RIT2: variants seen among roughly 807,000 people sequenced by gnomAD.
The protein encoded by RIT2 is GTP-binding protein Rit2.
In RIT2, 24 loss-of-function variants were observed where a neutral mutation model predicts 23.7. The ratio of observed to expected loss-of-function variants is 1.01; its 90% CI spans 0.73 to 1.43. The LOEUF is 1.43. Ranked by LOEUF, RIT2 falls within the 40% of genes most tolerant of loss-of-function variation. The probability of loss-of-function intolerance (pLI) is 0.00; values close to 1 mark genes in which losing one functional copy is unlikely to be tolerated. For missense variants in RIT2, 236 were observed against 266.9 expected (o/e 0.88, Z 0.81); for synonymous variants, 107 against 91.1 (o/e 1.17, Z -0.99).
At chr18:43,094,360 A>G (rs2144364709) in intron 1 of RIT2, among the ~76,000 whole-genome samples, 1 of 151,962 alleles carries the variant, frequency 6.6e-6, no homozygotes, top group East Asian at 1.9e-4. Flanking sequence ...TCTTGCTTTT[A>G]ATCATCTCAT....
intron 1 of RIT2, among the ~76,000 whole-genome samples, chr18:43,074,200 T>A (rs1912961203): frequency 6.6e-6 from 1 of 152,138 alleles, no homozygotes; most frequent in Non-Finnish European, 1.5e-5. Context: ...TAAATTAAAC[T>A]CACTTAATAT....
At chr18:42,771,380 C>T (rs1379688066) in intron 4 of RIT2, among the ~76,000 whole-genome samples, 1 of 151,980 alleles carries the variant, frequency 6.6e-6, no homozygotes, top group Non-Finnish European at 1.5e-5. Flanking sequence ...AAATTAAGCT[C>T]TTTGAGGGAA....
chr18:42,811,373 A>T (rs2143976891), intron 4 of RIT2, among the ~76,000 whole-genome samples: 1 of 152,166 alleles, frequency 6.6e-6, no homozygotes, highest in South Asian at 2.1e-4. Flanking sequence ...GGATATGTAA[A>T]GTAGGGCCAC....
At chr18:42,828,915 A>T (rs1445938189) in intron 4 of RIT2, among the ~76,000 whole-genome samples, 1 of 152,178 alleles carries the variant, frequency 6.6e-6, no homozygotes, top group Admixed American at 6.5e-5. Flanking sequence ...AATAAATCTT[A>T]AAAATTAAGA....
chr18:42,933,137 C>A (rs1909367995), intron 3 of RIT2, among the ~76,000 whole-genome samples: 1 of 151,838 alleles, frequency 6.6e-6, no homozygotes, highest in Non-Finnish European at 1.5e-5. Context: ...CAAATAAATG[C>A]CATTTAGAAA....
chr18:43,107,301 C>A (rs762999856), intron 1 of RIT2, among the ~76,000 whole-genome samples: 11 of 152,106 alleles, frequency 7.2e-5, no homozygotes, highest in Non-Finnish European at 1.5e-4. Flanking sequence ...ACCTCCCATG[C>A]ATCTCTATCA....
At chr18:42,775,240 T>C (rs1480463783) in intron 4 of RIT2, among the ~76,000 whole-genome samples, 2 of 152,178 alleles carry the variant, frequency 1.3e-5, no homozygotes, top group Non-Finnish European at 2.9e-5. Flanking sequence ...CTAATCACTA[T>C]GCTAGAGAGA....
chr18:43,050,189 G>A (rs568265548), intron 1 of RIT2, among the ~76,000 whole-genome samples: 52 of 151,432 alleles, frequency 3.4e-4, no homozygotes, highest in African/African-American at 1.3e-3. Flanking sequence ...ACCAGGACAG[G>A]CTAATTTTTA....
intron 4 of RIT2, among the ~76,000 whole-genome samples, chr18:42,759,947 T>G (rs919393748): frequency 6.6e-6 from 1 of 152,032 alleles, no homozygotes. Context: ...ATAGCAAATT[T>G]TGTATTTTTA....
At chr18:42,760,628 T>C (rs1913278250) in intron 4 of RIT2, among the ~76,000 whole-genome samples, 1 of 152,200 alleles carries the variant, frequency 6.6e-6, no homozygotes, top group Non-Finnish European at 1.5e-5. Context: ...TGGGTTCTAG[T>C]CCCAGTTCTG....
At chr18:42,752,001 C>A (rs1913057427) in intron 4 of RIT2, among the ~76,000 whole-genome samples, 2 of 151,950 alleles carry the variant, frequency 1.3e-5, no homozygotes, top group African/African-American at 4.8e-5. Context: ...ATTTGTCATA[C>A]CTACCTTTGA....
intron 1 of RIT2, among the ~76,000 whole-genome samples, chr18:43,046,930 C>A (rs930462538): frequency 6.6e-6 from 1 of 152,066 alleles, no homozygotes; most frequent in South Asian, 2.1e-4. Flanking sequence ...CTTCAGGGTG[C>A]TCAGTAATTT....
At chr18:42,991,523 CCA>C (rs1910847624) in intron 2 of RIT2, among the ~76,000 whole-genome samples, 1 of 152,176 alleles carries the variant, frequency 6.6e-6, no homozygotes, top group Admixed American at 6.5e-5. Context: ...CCAAGCTAAG[CCA>C]TCATATCCCC....
chr18:42,751,645 A>G (rs1913048652), intron 4 of RIT2, among the ~76,000 whole-genome samples: 1 of 152,006 alleles, frequency 6.6e-6, no homozygotes, highest in Admixed American at 6.6e-5. Flanking sequence ...CATTACTTTG[A>G]TAAGTAATGT....
intron 1 of RIT2, among the ~76,000 whole-genome samples, chr18:43,071,364 C>T (rs888546625): frequency 1.1e-4 from 16 of 152,174 alleles, no homozygotes; most frequent in African/African-American, 2.7e-4. Context: ...TCTCAACTGG[C>T]GATGGAGTTG....
intron 4 of RIT2, among the ~76,000 whole-genome samples, chr18:42,863,618 C>T (rs1907388383): frequency 6.6e-6 from 1 of 152,140 alleles, no homozygotes; most frequent in Admixed American, 6.6e-5. Context: ...TTGGAAGCCA[C>T]ACATGCTTTC....
intron 4 of RIT2, among the ~76,000 whole-genome samples, chr18:42,793,998 C>CT (rs34156097): frequency 3.2e-4 from 48 of 148,294 alleles, no homozygotes; most frequent in Middle Eastern, 3.6e-3. Flanking sequence ...CTACAATTAA[C>CT]TTTTTTTTTT....
intron 4 of RIT2, among the ~76,000 whole-genome samples, chr18:42,830,268 G>A (rs1906419286): frequency 6.6e-6 from 1 of 152,202 alleles, no homozygotes; most frequent in Non-Finnish European, 1.5e-5. Context: ...TGCAGTTTCT[G>A]GGTTACAAAA....
intron 2 of RIT2, among the ~76,000 whole-genome samples, chr18:43,008,268 T>C (rs1310296793): frequency 6.6e-6 from 1 of 151,650 alleles, no homozygotes; most frequent in African/African-American, 2.4e-5. Flanking sequence ...AATATACTCA[T>C]ATAGGTATAC....
Sources: gnomAD v4.1 joint callset for allele counts (sites outside exome capture counted in the v4.1 genomes callset) on GRCh38, gnomAD v4.1.1 for gene constraint, MANE v1.5 for transcripts, NCBI Gene and HGNC (gene_info 2026-07-23, HGNC 2026-07-21) for gene names.